IFT80: variants seen among roughly 807,000 people sequenced by gnomAD.
IFT80 encodes intraflagellar transport protein 80 homolog.
Under a neutral mutation model 107.9 loss-of-function variants are expected in IFT80, and 79 were observed. The ratio of observed to expected loss-of-function variants is 0.73; its 90% CI spans 0.61 to 0.88. IFT80 has a LOEUF of 0.88. Among genes scored for constraint, IFT80 ranks in the 40% least tolerant of loss-of-function variants. IFT80 has a pLI of 0.00. For synonymous variants in IFT80, 299 were observed against 300.9 expected, an observed-to-expected ratio of 0.99 and a Z score of 0.07; for missense variants, 797 against 914.2, an observed-to-expected ratio of 0.87 and a Z score of 1.65.
chr3:160,337,673 T>C, intron 8 of IFT80, among the ~76,000 whole-genome samples: 1 of 152,158 alleles, frequency 6.6e-6, no homozygotes, highest in Non-Finnish European at 1.5e-5. Context: ...GGCTTGCCTA[T>C]TTTTTCTTTG....
At chr3:160,375,932 T>G (rs1261266504) in intron 4 of IFT80, 52 bp from the exon 5 acceptor site, 3 of 1,180,248 alleles carry the variant, frequency 2.5e-6, no homozygotes, top group South Asian at 1.3e-5. Context: ...GAAAATAAAT[T>G]TAAACATTAA....
At chr3:160,304,601 A>T (rs1443341253) in intron 10 of IFT80, among the ~76,000 whole-genome samples, 1 of 151,766 alleles carries the variant, frequency 6.6e-6, no homozygotes, top group Non-Finnish European at 1.5e-5. Context: ...ACACCCGGCT[A>T]ATTTTTTGTA....
At chr3:160,316,858 A>G (rs1717859972) in intron 9 of IFT80, among the ~76,000 whole-genome samples, 1 of 152,202 alleles carries the variant, frequency 6.6e-6, no homozygotes, top group Non-Finnish European at 1.5e-5. Flanking sequence ...GCCACAAAAT[A>G]GAGCCTTTCT....
intron 1 of IFT80, chr3:160,394,118 CT>C (rs1310381292): frequency 6.6e-6 from 1 of 152,230 alleles, no homozygotes; most frequent in Non-Finnish European, 1.5e-5. Context: ...GCTGAGATCT[CT>C]TGTACAGTAG....
At chr3:160,374,505 T>C (rs996298750) in intron 5 of IFT80, among the ~76,000 whole-genome samples, 10 of 152,116 alleles carry the variant, frequency 6.6e-5, no homozygotes, top group African/African-American at 2.4e-4. Context: ...CTGTGTCATC[T>C]ACAGGCAACA....
chr3:160,385,109 A>G (rs1311864451), intron 1 of IFT80, among the ~76,000 whole-genome samples: 1 of 152,254 alleles, frequency 6.6e-6, no homozygotes, highest in Non-Finnish European at 1.5e-5. Context: ...GACATTCTGC[A>G]GTGGGGCAGA....
intron 8 of IFT80, among the ~76,000 whole-genome samples, chr3:160,331,149 T>G (rs1216201931): frequency 6.6e-6 from 1 of 152,182 alleles, no homozygotes; most frequent in East Asian, 1.9e-4. Context: ...GCATCCCTAC[T>G]TTTGTGCTTT....
At chr3:160,324,821 G>C (rs879630514) in intron 8 of IFT80, among the ~76,000 whole-genome samples, 1 of 152,082 alleles carries the variant, frequency 6.6e-6, no homozygotes, top group Non-Finnish European at 1.5e-5. Context: ...ATTCAATTAG[G>C]AAAAGAGGAA....
intron 10 of IFT80, among the ~76,000 whole-genome samples, chr3:160,306,601 C>T (rs1399890045): frequency 6.6e-6 from 1 of 151,984 alleles, no homozygotes; most frequent in Non-Finnish European, 1.5e-5. Flanking sequence ...AAAAAACTCA[C>T]ATAAAATTAA....
chr3:160,343,232 T>A (rs531238994), intron 8 of IFT80, among the ~76,000 whole-genome samples: 2 of 152,298 alleles, frequency 1.3e-5, no homozygotes, highest in African/African-American at 4.8e-5. Context: ...GCAATTATTT[T>A]AATTGAAAAG....
intron 19 of IFT80, 64 bp downstream of exon 19, chr3:160,268,349 A>G: frequency 7.2e-7 from 1 of 1,394,476 alleles, no homozygotes; most frequent in Non-Finnish European, 1.0e-6. Flanking sequence ...TTGTCTCATT[A>G]GGATGAATAT....
chr3:160,328,183 C>T (rs777813601), intron 8 of IFT80, among the ~76,000 whole-genome samples: 3 of 151,556 alleles, frequency 2.0e-5, no homozygotes, highest in Non-Finnish European at 3.0e-5. Context: ...AAAGTCTGGC[C>T]GAGTGCAGTA....
intron 8 of IFT80, among the ~76,000 whole-genome samples, chr3:160,352,259 G>C (rs1220453663): frequency 1.3e-5 from 2 of 151,680 alleles, no homozygotes; most frequent in Non-Finnish European, 2.9e-5. Context: ...CTCCCAAAGT[G>C]CTGGGATTAC....
chr3:160,263,038 G>A (rs1712987670), intron 19 of IFT80, among the ~76,000 whole-genome samples: 1 of 152,056 alleles, frequency 6.6e-6, no homozygotes, highest in Non-Finnish European at 1.5e-5. Context: ...CTGGACACCT[G>A]ATAGACACTC....
chr3:160,296,373 C>T (rs1170364876), intron 12 of IFT80, among the ~76,000 whole-genome samples: 1 of 152,076 alleles, frequency 6.6e-6, no homozygotes, highest in African/African-American at 2.4e-5. Context: ...TGGTCCTCAC[C>T]ACATACATTC....
At chr3:160,330,778 A>G (rs922490561) in intron 8 of IFT80, among the ~76,000 whole-genome samples, 1 of 152,108 alleles carries the variant, frequency 6.6e-6, no homozygotes, top group Admixed American at 6.6e-5. Flanking sequence ...ATTATCAACT[A>G]ATGGCTAATT....
intron 10 of IFT80, among the ~76,000 whole-genome samples, chr3:160,304,856 A>G (rs1287921568): frequency 1.3e-5 from 2 of 152,226 alleles, no homozygotes; most frequent in Non-Finnish European, 2.9e-5. Flanking sequence ...AGAAAAACAG[A>G]AACTGTAATA....
chr3:160,357,934 A>C (rs1469834582), intron 6 of IFT80, among the ~76,000 whole-genome samples: 1 of 152,162 alleles, frequency 6.6e-6, no homozygotes, highest in Non-Finnish European at 1.5e-5. Flanking sequence ...ACTGAATCCA[A>C]ATCTTGCTTT....
chr3:160,379,279 TC>T (rs1225187111), intron 3 of IFT80, among the ~76,000 whole-genome samples: 1 of 152,142 alleles, frequency 6.6e-6, no homozygotes, highest in Non-Finnish European at 1.5e-5. Context: ...GAAGAGTTGT[TC>T]CAGATTAAAG....
Sources: allele counts gnomAD v4.1 joint callset (sites outside exome capture counted in the v4.1 genomes callset), GRCh38; gene constraint gnomAD v4.1.1; transcripts MANE v1.5; gene names NCBI Gene and HGNC (gene_info 2026-07-23, HGNC 2026-07-21).